TRDN: variants seen among roughly 807,000 people sequenced by gnomAD.
TRDN encodes the protein triadin in skeletal muscle.
Under a neutral mutation model 149.7 loss-of-function variants are expected in TRDN, and 161 were observed. The ratio of observed to expected loss-of-function variants is 1.08; its 90% confidence interval spans 0.95 to 1.23. The LOEUF (loss-of-function observed/expected upper bound fraction) is 1.23, where lower values mean the gene tolerates loss of function less well. Ranked by LOEUF, TRDN falls within the 50% of genes most tolerant of loss-of-function variation. TRDN has a pLI of 0.00. For synonymous variants in TRDN, 294 were observed against 250.5 expected (o/e 1.17, Z -1.64); for missense variants, 896 against 823.5 (o/e 1.09, Z -1.08).
intron 7 of TRDN, chr6:123,509,563 C>T (rs1779076295): frequency 6.6e-6 from 1 of 152,120 alleles, no homozygotes; most frequent in African/African-American, 2.4e-5. Flanking sequence ...AACTGAATCT[C>T]ACCAACAACC....
intron 5 of TRDN, chr6:123,528,941 A>G: frequency 8.5e-7 from 1 of 1,170,116 alleles, no homozygotes; most frequent in Non-Finnish European, 1.1e-6. Context: ...CAGGTTGATA[A>G]TCTCCAGCTC....
At chr6:123,573,878 ATTTT>A (rs1403281049) in intron 1 of TRDN, among the ~76,000 whole-genome samples, 3 of 152,046 alleles carry the variant, frequency 2.0e-5, no homozygotes, top group Non-Finnish European at 2.9e-5. Context: ...TTATAAGATA[ATTTT>A]TAAGTATTGG....
intron 9 of TRDN, among the ~76,000 whole-genome samples, chr6:123,490,499 G>T (rs960745987): frequency 6.6e-5 from 10 of 152,142 alleles, no homozygotes; most frequent in Non-Finnish European, 1.0e-4. Flanking sequence ...TCAGACTGTG[G>T]TTGACTGTGG....
chr6:123,392,426 G>A (rs935541618), intron 13 of TRDN, among the ~76,000 whole-genome samples: 3 of 151,974 alleles, frequency 2.0e-5, no homozygotes, highest in Non-Finnish European at 4.4e-5. Flanking sequence ...CAAACAGAAT[G>A]AGCCTAAGGT....
At chr6:123,394,855 A>C (rs1226538428) in intron 12 of TRDN, among the ~76,000 whole-genome samples, 4 of 152,112 alleles carry the variant, frequency 2.6e-5, no homozygotes, top group Non-Finnish European at 5.9e-5. Context: ...TATTTACATA[A>C]TTAATTTTTT....
Position 123,571,360 on chromosome 6 carries a change from T to G in TRDN, c.23-228A>C, listed in dbSNP as rs78138459. Among the ~76,000 whole-genome samples the G allele has an allele frequency of 0.039, 5,954 of 152,248 alleles. 185 individuals are homozygous for G. Among genetic ancestry groups the G allele is most frequent in the Middle Eastern group, 0.085 (25 of 294 alleles). ...GCTCATATAATCAGTGTTTCTCATC[T>G]CCTAAGTCCTCTGAGGGAGAATCAA... On this transcript the variant is annotated intron_variant, in intron 1 of 40. Coordinates refer to ENST00000334268, the MANE Select transcript of TRDN (RefSeq NM_006073.4).
intron 2 of TRDN, among the ~76,000 whole-genome samples, chr6:123,551,373 ACAC>A (rs1781383430): frequency 6.6e-6 from 1 of 151,050 alleles, no homozygotes; most frequent in Admixed American, 6.6e-5. Context: ...ACACACACAC[ACAC>A]ACACTTAAAT....
chr6:123,495,630 T>C (rs1054261273), intron 9 of TRDN, among the ~76,000 whole-genome samples: 2 of 152,142 alleles, frequency 1.3e-5, no homozygotes, highest in African/African-American at 4.8e-5. Context: ...CTTCCTAAAG[T>C]GCTGTGATGA....
At chr6:123,446,080 T>C (rs1775327542) in intron 10 of TRDN, among the ~76,000 whole-genome samples, 1 of 151,764 alleles carries the variant, frequency 6.6e-6, no homozygotes, top group African/African-American at 2.4e-5. Flanking sequence ...GTTCATGTTC[T>C]TTGTAGGGAC....
intron 12 of TRDN, among the ~76,000 whole-genome samples, chr6:123,428,595 T>A (rs186418303): frequency 2.0e-5 from 3 of 152,182 alleles, no homozygotes; most frequent in Non-Finnish European, 4.4e-5. Context: ...AGATCAAGTA[T>A]CTTCAGTGAT....
intron 39 of TRDN, among the ~76,000 whole-genome samples, chr6:123,223,272 A>C (rs753679590): frequency 6.6e-6 from 1 of 151,734 alleles, no homozygotes; most frequent in African/African-American, 2.4e-5. Flanking sequence ...AGGAACAGAC[A>C]CTGAGGCCTA....
At chr6:123,327,374 A>G (rs981637833) in intron 23 of TRDN, among the ~76,000 whole-genome samples, 1 of 152,144 alleles carries the variant, frequency 6.6e-6, no homozygotes, top group African/African-American at 2.4e-5. Flanking sequence ...AAGACATTTA[A>G]GAAAACTTTT....
intron 9 of TRDN, among the ~76,000 whole-genome samples, chr6:123,476,810 A>G (rs1397443273): frequency 6.6e-6 from 1 of 151,580 alleles, no homozygotes; most frequent in African/African-American, 2.4e-5. Flanking sequence ...GCAATGGGGA[A>G]AGGATTCCCT....
At chr6:123,272,451 C>T (rs992604669) in intron 29 of TRDN, among the ~76,000 whole-genome samples, 1 of 150,956 alleles carries the variant, frequency 6.6e-6, no homozygotes, top group African/African-American at 2.4e-5. Flanking sequence ...ACAAGCAGAA[C>T]ATATTAGCTT....
At chr6:123,598,723 G>A (rs1562417335) in intron 1 of TRDN, among the ~76,000 whole-genome samples, 3 of 152,044 alleles carry the variant, frequency 2.0e-5, no homozygotes, top group Non-Finnish European at 4.4e-5. Flanking sequence ...GAGCAAGAGT[G>A]ATATAGACCA....
intron 2 of TRDN, among the ~76,000 whole-genome samples, chr6:123,567,338 G>C (rs1251167246): frequency 6.6e-6 from 1 of 152,164 alleles, no homozygotes; most frequent in Non-Finnish European, 1.5e-5. Context: ...TGTTAGATGA[G>C]AATCTAACTC....
At chr6:123,276,619 C>T (rs1777377212) in intron 26 of TRDN, among the ~76,000 whole-genome samples, 1 of 152,010 alleles carries the variant, frequency 6.6e-6, no homozygotes, top group South Asian at 2.1e-4. Flanking sequence ...CAAACTTTTG[C>T]TAAAGAGGTT....
intron 8 of TRDN, among the ~76,000 whole-genome samples, chr6:123,499,754 A>G (rs1778618870): frequency 7.7e-6 from 1 of 129,342 alleles, no homozygotes; most frequent in African/African-American, 2.8e-5. Context: ...AGTTACAGCT[A>G]CCATGGTTGG....
chr6:123,372,876 AGG>A (rs1178478917), intron 19 of TRDN, among the ~76,000 whole-genome samples: 4 of 152,056 alleles, frequency 2.6e-5, no homozygotes, highest in Admixed American at 6.6e-5. Flanking sequence ...GAATGTAGGT[AGG>A]GGAGGTGGGT....
Sources: gnomAD v4.1 joint callset for allele counts (sites outside exome capture counted in the v4.1 genomes callset) on GRCh38, gnomAD v4.1.1 for gene constraint, MANE v1.5 for transcripts, NCBI Gene and HGNC (gene_info 2026-07-23, HGNC 2026-07-21) for gene names.